The following ESR1 variants were observed in gnomAD, a reference collection of about 807,000 sequenced individuals.
ESR1 encodes estrogen receptor 1, also known as estrogen receptor.
ESR1 carries 12 observed loss-of-function variants against 52.7 expected under a neutral mutation model. The observed-to-expected ratio is 0.23, with a 90% confidence interval of 0.15 to 0.37. The LOEUF is 0.37. ESR1 is among the 10% of genes least tolerant of loss of function. The probability of loss-of-function intolerance (pLI) is 1.00; values close to 1 mark genes in which losing one functional copy is unlikely to be tolerated. For synonymous variants in ESR1, 305 were observed against 316.8 expected (o/e 0.96, Z 0.39); for missense variants, 584 against 779.7 (o/e 0.75, Z 2.99).
Position 151,824,422 on chromosome 6 carries a change from T to G in ESR1, c.452+16058T>G, listed in dbSNP as rs549589192. Among the ~76,000 whole-genome samples, 3 of 152,342 alleles carry G rather than the reference T, an allele frequency of 2.0e-5. No homozygotes were observed. The South Asian group carries it at 6.2e-4, about 32-fold the overall frequency. On this transcript the variant is annotated intron_variant, in intron 1 of 7. Coordinates refer to ENST00000206249, the MANE Select transcript of ESR1 (RefSeq NM_000125.4). ...AAAAATTTTCTCCCATTTTGTAGGTTGCCTGTTCACTCTGACGGTAGTTTC... is the reference window on the plus strand; with the variant it reads ...AAAAATTTTCTCCCATTTTGTAGGTGGCCTGTTCACTCTGACGGTAGTTTC...
chr6:151,711,526 C>A (rs557941607), intron 2 of ESR1, among the ~76,000 whole-genome samples: 2 of 152,228 alleles, frequency 1.3e-5, no homozygotes, highest in East Asian at 3.9e-4. Context: ...TGGCCTGTTT[C>A]CAGACTTTTT....
chr6:151,844,610 G>T lies in ESR1; in HGVS notation c.643+1823G>T, dbSNP rs1052188863. Among the ~76,000 whole-genome samples the T allele has an allele frequency of 4.6e-5, 7 of 152,276 alleles. 1 individual carries two copies. Among genetic ancestry groups the T allele is most frequent in the East Asian group, 3.9e-4 (2 of 5,184 alleles). Reference sequence around the variant, plus strand: ...TGTAAACACATGGAAGTGATTATGTGCTAATAAAACTTTATTTATCAGAAT... The same window carrying T: ...TGTAAACACATGGAAGTGATTATGTTCTAATAAAACTTTATTTATCAGAAT... On this transcript the variant is annotated intron_variant, in intron 2 of 7. Coordinates refer to ENST00000206249, the MANE Select transcript of ESR1 (RefSeq NM_000125.4).
In ESR1 at chr6:151,763,589, G is replaced by A. The variant is rs572730406; in HGVS notation, c.-70-44254G>A. The stretch of plus-strand genomic sequence containing the variant: ...ACGGTGTTGCCTACTGTGTTGGAGA[G>A]ACTAAGACTGGGGAAAGATTCTCCA... On this transcript the variant is annotated intron_variant, in intron 2 of 2. Coordinates refer to the ESR1 transcript ENST00000404742. Among the ~76,000 whole-genome samples, 5 of 152,310 alleles carry A rather than the reference G, an allele frequency of 3.3e-5. No homozygotes were observed. The East Asian group carries it at 9.6e-4, about 29-fold the overall frequency.
chr6:151,859,119 T>A (rs1179706660), intron 2 of ESR1, among the ~76,000 whole-genome samples: 1 of 152,184 alleles, frequency 6.6e-6, no homozygotes, highest in Non-Finnish European at 1.5e-5. Flanking sequence ...ACTTTTCCTT[T>A]TTCCTTTCTT....
chr6:152,057,826 A>G (rs2047225945), intron 5 of ESR1, among the ~76,000 whole-genome samples: 1 of 152,210 alleles, frequency 6.6e-6, no homozygotes, highest in African/African-American at 2.4e-5. Flanking sequence ...TATTGTTGAC[A>G]GGTAATAATT....
chr6:151,665,840 G>A (rs1390886586), intron 1 of ESR1, among the ~76,000 whole-genome samples: 1 of 152,156 alleles, frequency 6.6e-6, no homozygotes, highest in Non-Finnish European at 1.5e-5. Flanking sequence ...TTACCTCGAA[G>A]AGACAGAGAC....
At chr6:151,945,086 C>T (rs1296625187) in intron 4 of ESR1, among the ~76,000 whole-genome samples, 2 of 152,044 alleles carry the variant, frequency 1.3e-5, no homozygotes. Context: ...GATGCAGTGG[C>T]ACACACCTGT....
chr6:151,755,706 C>CTGCAACTTCCGCCTCCCAGAT (rs1358362453), intron 2 of ESR1, among the ~76,000 whole-genome samples: 1 of 152,064 alleles, frequency 6.6e-6, no homozygotes, highest in East Asian at 1.9e-4. Context: ...TCTCTACTCA[C>CTGCAACTTCCGCCTCCCAGAT]TGCAACTTCC....
At chr6:152,117,851 G>A (rs1343423097) in intron 6 of ESR1, among the ~76,000 whole-genome samples, 1 of 152,166 alleles carries the variant, frequency 6.6e-6, no homozygotes, top group Non-Finnish European at 1.5e-5. Flanking sequence ...GAGAAGCTGG[G>A]AATTGAAGAA....
intron 2 of ESR1, among the ~76,000 whole-genome samples, chr6:151,718,873 A>G (rs966816854): frequency 6.6e-6 from 1 of 150,974 alleles, no homozygotes; most frequent in African/African-American, 2.4e-5. Context: ...TTACCATGAC[A>G]CTCCCCTCTT....
At chr6:152,043,792 G>A (rs2045999741) in intron 5 of ESR1, among the ~76,000 whole-genome samples, 2 of 152,114 alleles carry the variant, frequency 1.3e-5, no homozygotes, top group South Asian at 2.1e-4. Flanking sequence ...CCTCCCGCAT[G>A]GCCCCATTCC....
chr6:152,058,948 AG>A (rs2047324131), intron 5 of ESR1, among the ~76,000 whole-genome samples: 2 of 152,326 alleles, frequency 1.3e-5, no homozygotes, highest in African/African-American at 2.4e-5. Flanking sequence ...CTAATCTTAG[AG>A]GTCACTTCTA....
At chr6:151,918,253 C>A (rs1461190537) in intron 3 of ESR1, among the ~76,000 whole-genome samples, 1 of 152,170 alleles carries the variant, frequency 6.6e-6, no homozygotes, top group Non-Finnish European at 1.5e-5. Context: ...TGAAGGAGAA[C>A]CCACATTGGG....
At chr6:151,950,977 A>G (rs1260459166) in intron 4 of ESR1, among the ~76,000 whole-genome samples, 1 of 151,960 alleles carries the variant, frequency 6.6e-6, no homozygotes, top group African/African-American at 2.4e-5. Flanking sequence ...AGACTTGGCT[A>G]ATCATTTACT....
At chr6:152,022,471 C>T (rs1469734760) in intron 5 of ESR1, among the ~76,000 whole-genome samples, 4 of 152,108 alleles carry the variant, frequency 2.6e-5, no homozygotes, top group Non-Finnish European at 5.9e-5. Flanking sequence ...ATTTGAGAGC[C>T]ATCTCCGTAG....
chr6:151,857,078 G>T (rs1417350097), intron 2 of ESR1, among the ~76,000 whole-genome samples: 4 of 152,128 alleles, frequency 2.6e-5, no homozygotes, highest in Non-Finnish European at 5.9e-5. Flanking sequence ...ATATATGGCT[G>T]CACACGTACA....
intron 2 of ESR1, among the ~76,000 whole-genome samples, chr6:151,854,557 G>A (rs1005920291): frequency 6.6e-6 from 1 of 152,056 alleles, no homozygotes; most frequent in Non-Finnish European, 1.5e-5. Context: ...TGTTTTCCTG[G>A]GGAAAGAGTA....
At position 151,807,800 on chromosome 6, in the gene ESR1, T is replaced by G; in HGVS notation, c.-113T>G. On this transcript the variant is annotated 5_prime_UTR_variant, in exon 1 of 8. An upstream start codon of the reference 5' UTR is lost. Coordinates refer to ENST00000206249, the MANE Select transcript of ESR1 (RefSeq NM_000125.4). Reference sequence around the variant, plus strand: ...CCAGAGCTCGCGTGTCGGCGGGACATGCGCTGCGTCGCCTCTAACCTCGGG... The same window carrying G: ...CCAGAGCTCGCGTGTCGGCGGGACAGGCGCTGCGTCGCCTCTAACCTCGGG... 1.0e-6 allele frequency: 1 copy of G among 998,720 alleles called. No homozygotes were observed. The allele number at this position is 998,720 out of a possible 1,614,324, so 61.9% of individuals were successfully genotyped here.
chr6:151,731,904 A>C (rs544966930), intron 2 of ESR1, among the ~76,000 whole-genome samples: 4 of 152,302 alleles, frequency 2.6e-5, no homozygotes, highest in Non-Finnish European at 2.9e-5. Flanking sequence ...AATCAGAAGA[A>C]GAAAGTGCTA....
Sources: allele counts gnomAD v4.1 joint callset (sites outside exome capture counted in the v4.1 genomes callset), GRCh38; gene constraint gnomAD v4.1.1; transcripts MANE v1.5; gene names NCBI Gene and HGNC (gene_info 2026-07-23, HGNC 2026-07-21).